ZNF197: variants seen among roughly 807,000 people sequenced by gnomAD.
ZNF197 encodes VHL-associated KRAB-A domain-containing protein.
Under a neutral mutation model 27.4 loss-of-function variants are expected in ZNF197, and 14 were observed. The observed-to-expected ratio is 0.51, with a 90% CI of 0.34 to 0.80. ZNF197 has a LOEUF of 0.80. Among genes scored for constraint, ZNF197 ranks in the 30% least tolerant of loss-of-function variants. The pLI is 0.02. For synonymous variants in ZNF197, 415 were observed against 420.0 expected, an observed-to-expected ratio of 0.99 and a Z score of 0.15; for missense variants, 1,090 against 1,222.6, an observed-to-expected ratio of 0.89 and a Z score of 1.62.
chr3:44,642,989 A>C lies in ZNF197; in HGVS notation c.1859A>C (p.Lys620Thr). Residue 620 changes from lysine to threonine, a missense_variant, in exon 6 of 6, where the codon AAA becomes ACA. By Grantham distance (78) the Lys-to-Thr change is moderately conservative. Transcript: ENST00000344387. The stretch of plus-strand genomic sequence containing the variant: ...CATAAGAGGATGCACAGCAGAGAGA[A>C]ACCTTACAAATGCACTGAATGTGGG... The part of the protein sequence containing the change: ...IDHKRMHSRE[K>T]PYKCTECGKA... 2 of 1,613,878 alleles carry C rather than the reference A, an allele frequency of 1.2e-6. No homozygotes were observed. Among genetic ancestry groups the C allele is most frequent in the Non-Finnish European group, 1.7e-6 (2 of 1,179,966 alleles).
intron 2 of ZNF197, 76 bp downstream of exon 2, chr3:44,629,620 C>T: frequency 3.4e-6 from 5 of 1,462,430 alleles, no homozygotes; most frequent in Non-Finnish European, 4.5e-6. Flanking sequence ...AGAGGGTGAT[C>T]CTGTGATTTT....
rs1410405301 is a variant in ZNF197 at position 44,645,441 on chromosome 3, TATCTG to T, written c.*1223_*1227del. On this transcript the variant is annotated 3_prime_UTR_variant, in exon 6 of 6. Transcript: ENST00000344387. Reference sequence around the variant, plus strand: ...ATTTTGTTAAATTTACCTTTAAAAATATCTGAGGGAGTTACTAGATTATATATCTA... The same window carrying T: ...ATTTTGTTAAATTTACCTTTAAAAATAGGGAGTTACTAGATTATATATCTA... 6 of 985,000 alleles carry T rather than the reference TATCTG, an allele frequency of 6.1e-6. No homozygotes were observed. The highest frequency in any genetic ancestry group is 7.2e-6 in the Non-Finnish European group (6 of 829,720). 61.0% of individuals were successfully genotyped at this position (985,000 alleles called of 1,614,324 possible).
chr3:44,631,696 C>G (rs1265402910), intron 3 of ZNF197, among the ~76,000 whole-genome samples: 1 of 148,638 alleles, frequency 6.7e-6, no homozygotes, highest in South Asian at 2.1e-4. Context: ...CCACTGCACC[C>G]GGCCATTTTT....
At position 44,645,512 on chromosome 3, in the gene ZNF197, C is replaced by T. The variant is rs2125829216; in HGVS notation, c.*1292C>T. 1 of 985,224 alleles carries T rather than the reference C, an allele frequency of 1.0e-6. No homozygotes were observed. Among genetic ancestry groups the T allele is most frequent in the East Asian group, 1.1e-4 (1 of 8,808 alleles). 61.0% of individuals were successfully genotyped at this position (985,224 alleles called of 1,614,324 possible). On this transcript the variant is annotated 3_prime_UTR_variant, in exon 6 of 6. Coordinates refer to ENST00000344387, the MANE Select transcript of ZNF197 (RefSeq NM_006991.5). The stretch of plus-strand genomic sequence containing the variant: ...AAAAAATGTTATGGCCAGCCATTAA[C>T]AGTGATGCCAAGGAAAACAATTTAT...
At chr3:44,636,288 G>C (rs1012745919) in intron 5 of ZNF197, among the ~76,000 whole-genome samples, 4 of 142,016 alleles carry the variant, frequency 2.8e-5, no homozygotes, top group African/African-American at 1.1e-4. Context: ...CTGGGCGACA[G>C]AGCAAGACTC....
Position 44,646,588 on chromosome 3 carries a change from A to G in ZNF197, c.*2368A>G. 1.1e-6 allele frequency: 1 copy of G among 896,200 alleles called. No individual in the cohort carries two copies. Among genetic ancestry groups the G allele is most frequent in the Non-Finnish European group, 1.9e-6 (1 of 532,168 alleles). The allele number at this position is 896,200 out of a possible 1,614,324, so 55.5% of individuals were successfully genotyped here. On this transcript the variant is annotated 3_prime_UTR_variant, in exon 6 of 6. Coordinates refer to ENST00000344387, the MANE Select transcript of ZNF197 (RefSeq NM_006991.5). ...ATATTGCATAAGAAAGCTGCCCTGG[A>G]TTCTTCAAAATATTATTATGATGAA...
Position 44,646,237 on chromosome 3 carries a change from C to T in ZNF197, c.*2017C>T. On this transcript the variant is annotated 3_prime_UTR_variant, in exon 6 of 6. Transcript: ENST00000344387. ...TAAACAGGAGGAAGAATATCTACCT[C>T]ACAAAGTTCTTATGAGATAATGAAT... is the stretch of plus-strand genomic sequence containing the variant. The T allele has an allele frequency of 3.1e-6, 3 of 982,944 alleles. No homozygotes were observed. Among genetic ancestry groups the T allele is most frequent in the Non-Finnish European group, 3.6e-6 (3 of 827,670 alleles). 60.9% of individuals were successfully genotyped at this position (982,944 alleles called of 1,614,324 possible). A position where few individuals can be genotyped will look rare whatever the true frequency, so the allele number is the denominator to read the frequency against.
chr3:44,629,363 G>A lies in ZNF197; in HGVS notation c.209G>A (p.Trp70Ter), dbSNP rs1233337913. 5.0e-6 allele frequency: 8 copies of A among 1,614,120 alleles called. No homozygotes were observed. In the South Asian group the frequency reaches 8.8e-5, roughly 18 times the overall value. ...LSRLRELCRR[W>*]LRPEARTKAQ... ...CGGCTCAGGGAACTCTGTCGCCGGT[G>A]GCTGAGACCAGAAGCACGCACCAAG... Residue 70 changes from tryptophan to a stop codon, truncating the protein, a stop_gained, in exon 2 of 6, where the codon TGG becomes TAG. Coordinates refer to ENST00000344387, the MANE Select transcript of ZNF197 (RefSeq NM_006991.5). LOFTEE classifies it high-confidence loss of function.
chr3:44,631,528 G>A lies in ZNF197; in HGVS notation c.550+307G>A, dbSNP rs376575333. Among the ~76,000 whole-genome samples the A allele has an allele frequency of 3.5e-4, 53 of 151,882 alleles. No homozygotes were observed. The East Asian group carries it at 8.6e-3, about 25-fold the overall frequency. On this transcript the variant is annotated intron_variant, in intron 3 of 5. Transcript: ENST00000344387. ...CCATTCTCCTACGTCAGCCTCCTGA[G>A]TAGCTGGGACTACAGGTGCCCGCCA...
chr3:44,630,928 T>C (rs1252211390), intron 2 of ZNF197, 134 bp from the exon 3 acceptor site: 6 of 1,227,148 alleles, frequency 4.9e-6, no homozygotes, highest in Non-Finnish European at 6.0e-6. Flanking sequence ...TACTGCTGTT[T>C]TGATGCTCCA....
intron 5 of ZNF197, among the ~76,000 whole-genome samples, chr3:44,633,570 C>T (rs931292385): frequency 6.6e-6 from 1 of 152,168 alleles, no homozygotes; most frequent in African/African-American, 2.4e-5. Context: ...GAGAAATCAA[C>T]GTTCAGAACT....
Position 44,629,409 on chromosome 3 carries a change from G to A in ZNF197, c.255G>A (p.Leu85=). The change falls in exon 2 of 6, where the codon CTG becomes CTA. Residue 85 remains leucine (L), a synonymous_variant. Coordinates refer to ENST00000344387, the MANE Select transcript of ZNF197 (RefSeq NM_006991.5). Reference sequence around the variant, plus strand: ...CCAAGGCACAGATCCTGGAGCTGCTGGTGCTGGAGCAGTTTCTGAGCATCC... The same window carrying A: ...CCAAGGCACAGATCCTGGAGCTGCTAGTGCTGGAGCAGTTTCTGAGCATCC... The part of the protein sequence containing the change: ...ARTKAQILEL[L]VLEQFLSILP... The A allele has an allele frequency of 6.2e-7, 1 of 1,614,182 alleles. No individual in the cohort carries two copies. The highest frequency in any genetic ancestry group is 8.5e-7 in the Non-Finnish European group (1 of 1,180,026).
Position 44,646,763 on chromosome 3 carries a change from G to A in ZNF197, c.*2543G>A. 2.2e-6 allele frequency: 1 copy of A among 455,380 alleles called. No homozygotes were observed. The highest frequency in any genetic ancestry group is 3.9e-6 in the Non-Finnish European group (1 of 255,504). The allele number at this position is 455,380 out of a possible 1,614,324, so 28.2% of individuals were successfully genotyped here. A position where few individuals can be genotyped will look rare whatever the true frequency, so the allele number is the denominator to read the frequency against. On this transcript the variant is annotated 3_prime_UTR_variant, in exon 6 of 6. Transcript: ENST00000344387. ...CTTGTTTTTAAAAGATAATACTAGA[G>A]AGCCGTTAGGTACTAAGAACCAGAA... is the stretch of plus-strand genomic sequence containing the variant.
Position 44,645,195 on chromosome 3 carries a change from G to T in ZNF197, c.*975G>T, listed in dbSNP as rs1172673446. ...CCTACCTCACAGGGTTGTTGTGAGG[G>T]TTAAGTGAAAGGATCTTTGTGAAAG... is the stretch of plus-strand genomic sequence containing the variant. On this transcript the variant is annotated 3_prime_UTR_variant, in exon 6 of 6. Coordinates refer to ENST00000344387, the MANE Select transcript of ZNF197 (RefSeq NM_006991.5). The T allele has an allele frequency of 4.2e-5, 41 of 979,762 alleles. No homozygotes were observed. Among genetic ancestry groups the T allele is most frequent in the Non-Finnish European group, 4.7e-5 (39 of 824,910 alleles). 60.7% of individuals were successfully genotyped at this position (979,762 alleles called of 1,614,324 possible).
chr3:44,631,515 G>A (rs1360843752), intron 3 of ZNF197, among the ~76,000 whole-genome samples: 2 of 149,268 alleles, frequency 1.3e-5, no homozygotes. Context: ...ATTCTCCTAC[G>A]TCAGCCTCCT....
rs766586452 is a variant in ZNF197, at chr3:44,632,149, C to A, written c.595C>A (p.Pro199Thr). 1.9e-6 allele frequency: 3 copies of A among 1,614,124 alleles called. No homozygotes were observed. In the South Asian group the frequency reaches 3.3e-5, roughly 18 times the overall value. Residue 199 changes from proline (P) to threonine (T), a missense_variant, in exon 4 of 6, where the codon CCA becomes ACA. Transcript: ENST00000344387. ...EASALSQEENPRNQLMALMLL... is the reference protein window; with the variant it reads ...EASALSQEENTRNQLMALMLL... ...TTCTGCCCTTTCCCAGGAAGAGAAC[C>A]CAAGAAATCAATTAATGGCACTTAT...
At chr3:44,641,093 T>G (rs1161877487) in intron 5 of ZNF197, among the ~76,000 whole-genome samples, 1 of 152,246 alleles carries the variant, frequency 6.6e-6, no homozygotes, top group Non-Finnish European at 1.5e-5. Context: ...AGTTTGAAAG[T>G]AAACTTCCAA....
Position 44,644,785 on chromosome 3 carries a change from C to G in ZNF197, c.*565C>G, listed in dbSNP as rs554678017. The G allele has an allele frequency of 1.0e-6, 1 of 984,748 alleles. No homozygotes were observed. Among genetic ancestry groups the G allele is most frequent in the African/African-American group, 1.7e-5 (1 of 57,160 alleles). 61.0% of individuals were successfully genotyped at this position (984,748 alleles called of 1,614,324 possible). A position where few individuals can be genotyped will look rare whatever the true frequency, so the allele number is the denominator to read the frequency against. On this transcript the variant is annotated 3_prime_UTR_variant, in exon 6 of 6. Transcript: ENST00000344387. ...CTGTAGTCCCAGGACTTTGGGAGGC[C>G]GAGGTGGGAAGATCCCTTGAGCCCA... is the stretch of plus-strand genomic sequence containing the variant.
chr3:44,625,750 G>A (rs866671207), intron 1 of ZNF197, among the ~76,000 whole-genome samples: 38 of 149,054 alleles, frequency 2.5e-4, no homozygotes, highest in African/African-American at 9.5e-4. Context: ...GCGCGCGCGC[G>A]CACACACACA....
Sources: allele counts gnomAD v4.1 joint callset (sites outside exome capture counted in the v4.1 genomes callset), GRCh38; gene constraint gnomAD v4.1.1; transcripts MANE v1.5; gene names NCBI Gene and HGNC (gene_info 2026-07-23, HGNC 2026-07-21).